VWCE: variants seen among roughly 807,000 people sequenced by gnomAD.
The protein encoded by VWCE is von Willebrand factor C and EGF domains.
A neutral mutation model predicts 102.9 loss-of-function variants in VWCE; 68 were observed. The ratio of observed to expected loss-of-function variants is 0.66; its 90% CI spans 0.54 to 0.81. The LOEUF (loss-of-function observed/expected upper bound fraction) is 0.81, where lower values mean the gene tolerates loss of function less well. Ranked by LOEUF, VWCE falls within the 30% of genes least tolerant of loss-of-function variation. VWCE has a pLI of 0.00. For missense variants in VWCE, 1,137 were observed against 1,263.6 expected, an observed-to-expected ratio of 0.90 and a Z score of 1.52; for synonymous variants, 497 against 515.4, an observed-to-expected ratio of 0.96 and a Z score of 0.48.
intron 19 of VWCE, among the ~76,000 whole-genome samples, chr11:61,264,120 G>A (rs1321878066): frequency 1.3e-5 from 2 of 151,422 alleles, no homozygotes; most frequent in Non-Finnish European, 2.9e-5. Context: ...CAGCTACTCC[G>A]GAGGCTGAGG....
chr11:61,262,300 G>A (rs903531091), intron 19 of VWCE, among the ~76,000 whole-genome samples: 1 of 152,160 alleles, frequency 6.6e-6, no homozygotes, highest in African/African-American at 2.4e-5. Context: ...GGAGGTAGGA[G>A]GGCACGGTGG....
In VWCE at chr11:61,258,508, T is replaced by C. The variant is rs907136303; in HGVS notation, c.*167A>G. ...CTTACAGCACATTCCAAACACTTCT[T>C]GGGAACAAGGTTACATCCAGCCTTG... is the stretch of plus-strand genomic sequence containing the variant. On this transcript the variant is annotated 3_prime_UTR_variant, in exon 20 of 20. Transcript: ENST00000335613. 10 of 641,048 alleles carry C rather than the reference T, an allele frequency of 1.6e-5. No homozygotes were observed. The African/African-American group carries it at 1.7e-4, about 11-fold the overall frequency. 39.7% of individuals were successfully genotyped at this position (641,048 alleles called of 1,614,324 possible).
Position 61,280,909 on chromosome 11 carries a change from T to C in VWCE, c.1114A>G (p.Arg372Gly). Residue 372 changes from arginine (R) to glycine (G), a missense_variant, in exon 8 of 20, where the codon AGG (arginine) becomes GGG (glycine). Around this residue, in one of 5 missense-constraint regions of VWCE, gnomAD observed 575 missense variants for 625.9 expected, o/e 0.92. Coordinates refer to ENST00000335613, the MANE Select transcript of VWCE (RefSeq NM_152718.2). Reference sequence around the variant, plus strand: ...GCCAGTCGGGGGGACTCAGGGCCCCTGGGTGAGGAAGGGGTCCCCATCACC... The same window carrying C: ...GCCAGTCGGGGGGACTCAGGGCCCCCGGGTGAGGAAGGGGTCCCCATCACC... ...GEVMGTPSSP[R>G]GPESPRLAAG... 1 of 1,528,628 alleles carries C rather than the reference T, an allele frequency of 6.5e-7. No individual in the cohort carries two copies. Among genetic ancestry groups the C allele is most frequent in the Non-Finnish European group, 8.8e-7 (1 of 1,140,626 alleles). The allele number at this position is 1,528,628 out of a possible 1,614,324, so 94.7% of individuals were successfully genotyped here. A position where few individuals can be genotyped will look rare whatever the true frequency, so the allele number is the denominator to read the frequency against.
intron 13 of VWCE, among the ~76,000 whole-genome samples, 154 bp downstream of exon 13, chr11:61,273,045 T>C (rs1187118960): frequency 7.4e-6 from 1 of 135,804 alleles, no homozygotes; most frequent in Non-Finnish European, 1.5e-5. Flanking sequence ...TCAGACACAC[T>C]ACACAAAAAC....
intron 15 of VWCE, 91 bp downstream of exon 15, chr11:61,268,831 G>A: frequency 2.3e-6 from 3 of 1,332,360 alleles, no homozygotes; most frequent in South Asian, 2.4e-5. Flanking sequence ...GGGTTGTTAG[G>A]ACGACATGAG....
intron 14 of VWCE, among the ~76,000 whole-genome samples, chr11:61,270,230 T>C (rs1854643234): frequency 6.6e-6 from 1 of 152,198 alleles, no homozygotes; most frequent in Non-Finnish European, 1.5e-5. Flanking sequence ...AGCTTACAGC[T>C]TTTTAACAAA....
intron 1 of VWCE, 94 bp from the exon 2 acceptor site, chr11:61,291,670 A>T (rs1461601446): frequency 9.2e-7 from 1 of 1,081,874 alleles, no homozygotes; most frequent in Non-Finnish European, 1.2e-6. Context: ...GTGAATCAAC[A>T]AACAATTCTC....
At chr11:61,273,054 ACT>A (rs1854776577) in intron 13 of VWCE, 143 bp downstream of exon 13, 15 of 757,332 alleles carry the variant, frequency 2.0e-5, no homozygotes, top group East Asian at 2.6e-5. Flanking sequence ...CTACACAAAA[ACT>A]CACACTCATA....
chr11:61,287,028 C>T (rs1429888474), intron 4 of VWCE, among the ~76,000 whole-genome samples: 2 of 151,908 alleles, frequency 1.3e-5, no homozygotes, highest in Non-Finnish European at 2.9e-5. Flanking sequence ...ACCTGGGAGG[C>T]GGAGCTTGCA....
intron 14 of VWCE, among the ~76,000 whole-genome samples, chr11:61,269,725 T>G (rs1854618783): frequency 6.6e-6 from 1 of 151,326 alleles, no homozygotes; most frequent in East Asian, 2.0e-4. Flanking sequence ...GGATTACAGG[T>G]GTGAGCCACC....
In VWCE at chr11:61,273,601, C is replaced by G. The variant is rs1854808016; in HGVS notation, c.1582-285G>C. 6.8e-6 allele frequency: 3 copies of G among 440,426 alleles called. No homozygotes were observed. The South Asian group carries it at 1.0e-4, about 15-fold the overall frequency. 27.3% of individuals were successfully genotyped at this position (440,426 alleles called of 1,614,324 possible). A position where few individuals can be genotyped will look rare whatever the true frequency, so the allele number is the denominator to read the frequency against. On this transcript the variant is annotated intron_variant, in intron 12 of 19. Transcript: ENST00000335613. ...TCTCACCCTCCCGCTTCCATCCAGG[C>G]TCCCTACTGCCTAAACCATTTGGCA...
rs182142533 is a variant in VWCE, at chr11:61,261,299, T to C, written c.2231-1987A>G. The stretch of plus-strand genomic sequence containing the variant: ...TTGTCAAGCACATAAAAAACTGGAA[T>C]GATTATATTTTAAAAATCAACTATT... On this transcript the variant is annotated intron_variant, in intron 19 of 19. Transcript: ENST00000335613. Among the ~76,000 whole-genome samples the C allele has an allele frequency of 3.4e-3, 514 of 152,224 alleles. 1 individual carries two copies. The highest frequency in any genetic ancestry group is 0.014 in the Middle Eastern group (4 of 290).
rs552712205 is a variant in VWCE at position 61,267,390 on chromosome 11, C to G, written c.1965+72G>C. On this transcript the variant is annotated intron_variant, in intron 16 of 19. Transcript: ENST00000335613. ...TCTTGGAGGTCTCTGGATTTTGCCT[C>G]TGGGATTCAGGAGCCGATGTCAGTT... 10 of 1,493,898 alleles carry G rather than the reference C, an allele frequency of 6.7e-6. No homozygotes were observed. The East Asian group carries it at 2.3e-4, about 34-fold the overall frequency. 92.5% of individuals were successfully genotyped at this position (1,493,898 alleles called of 1,614,324 possible). A position where few individuals can be genotyped will look rare whatever the true frequency, so the allele number is the denominator to read the frequency against.
chr11:61,281,717 G>C (rs1032298776), intron 7 of VWCE, 69 bp downstream of exon 7: 10 of 1,532,164 alleles, frequency 6.5e-6, no homozygotes, highest in Non-Finnish European at 8.8e-6. Context: ...CAGGCTATGG[G>C]GGGGCGTAGC....
In VWCE at chr11:61,280,800, C is replaced by A. The variant is rs1427146890; in HGVS notation, c.1223G>T (p.Trp408Leu). ...GGGACCCCTAGTACCCACCTCGCAC[C>A]AGCACTGGGAACACCCAGGCTCTGT... is the stretch of plus-strand genomic sequence containing the variant. Reference protein sequence around the residue: ...RWTEPGCSQCWCEDGKVTCEK... With the variant: ...RWTEPGCSQCLCEDGKVTCEK... The change falls in exon 8 of 20, where the codon TGG becomes TTG. Residue 408 changes from tryptophan to leucine, a missense_variant. Coordinates refer to ENST00000335613, the MANE Select transcript of VWCE (RefSeq NM_152718.2). 1.3e-6 allele frequency: 2 copies of A among 1,596,586 alleles called. No individual in the cohort carries two copies. The highest frequency in any genetic ancestry group is 1.7e-6 in the Non-Finnish European group (2 of 1,171,442).
chr11:61,262,962 C>T (rs1024980970), intron 19 of VWCE, among the ~76,000 whole-genome samples: 3 of 152,192 alleles, frequency 2.0e-5, no homozygotes, highest in African/African-American at 2.4e-5. Context: ...ATCAATAGTA[C>T]TTCATTGTGT....
intron 1 of VWCE, among the ~76,000 whole-genome samples, chr11:61,292,894 G>A (rs1855551120): frequency 6.6e-6 from 1 of 152,016 alleles, no homozygotes; most frequent in South Asian, 2.1e-4. Context: ...GATAACTTGA[G>A]GTCAGGAGTT....
rs73488202 is a variant in VWCE at position 61,274,997 on chromosome 11, G to A, written c.1496-413C>T. Among the ~76,000 whole-genome samples the A allele has an allele frequency of 4.7e-3, 715 of 152,222 alleles. 9 individuals carry two copies. The highest frequency in any genetic ancestry group is 0.016 in the African/African-American group (678 of 41,524). ...AGGATGGCTTGAAACCAGGGGTTGA[G>A]GTTATAGTGATTGCACCTCTCTACT... is the stretch of plus-strand genomic sequence containing the variant. On this transcript the variant is annotated intron_variant, in intron 11 of 19. Coordinates refer to ENST00000335613, the MANE Select transcript of VWCE (RefSeq NM_152718.2).
intron 16 of VWCE, among the ~76,000 whole-genome samples, chr11:61,267,155 G>A (rs2134747685): frequency 6.6e-6 from 1 of 152,312 alleles, no homozygotes; most frequent in African/African-American, 2.4e-5. Flanking sequence ...CTACTTGGGA[G>A]GCTGACACAG....
Sources: gnomAD v4.1 joint callset for allele counts (sites outside exome capture counted in the v4.1 genomes callset) on GRCh38, gnomAD v4.1.1 for gene constraint, gnomAD v4.1.1 regional missense constraint, MANE v1.5 for transcripts, NCBI Gene and HGNC (gene_info 2026-07-23, HGNC 2026-07-21) for gene names.